LEPR: variants seen among roughly 807,000 people sequenced by gnomAD.
LEPR encodes the protein leptin receptor, also known as OB receptor.
Under a neutral mutation model 114.7 loss-of-function variants are expected in LEPR, and 56 were observed. That is an observed-to-expected ratio of 0.49 (90% CI 0.39 to 0.61). LEPR has a LOEUF of 0.61. Among genes scored for constraint, LEPR ranks in the 20% least tolerant of loss-of-function variants. LEPR has a pLI of 0.00. For synonymous variants in LEPR, 443 were observed against 461.4 expected (o/e 0.96, Z 0.51); for missense variants, 1,202 against 1,352.9 (o/e 0.89, Z 1.75).
At chr1:65,472,476 A>T (rs533805774) in intron 2 of LEPR, among the ~76,000 whole-genome samples, 1 of 142,768 alleles carries the variant, frequency 7.0e-6, no homozygotes, top group Non-Finnish European at 1.5e-5. Context: ...TATATAATAT[A>T]CTTTTTACTT....
intron 2 of LEPR, among the ~76,000 whole-genome samples, chr1:65,477,316 G>T (rs960531316): frequency 6.6e-6 from 1 of 152,148 alleles, no homozygotes; most frequent in Non-Finnish European, 1.5e-5. Flanking sequence ...TAGAATGTCA[G>T]CTCCATAAGG....
intron 5 of LEPR, among the ~76,000 whole-genome samples, chr1:65,584,635 G>A (rs376577954): frequency 6.6e-6 from 1 of 151,932 alleles, no homozygotes; most frequent in Non-Finnish European, 1.5e-5. Flanking sequence ...ATCCCATACT[G>A]CTGTGAAAAA....
chr1:65,545,777 A>G (rs1651657142), intron 2 of LEPR, among the ~76,000 whole-genome samples: 1 of 151,918 alleles, frequency 6.6e-6, no homozygotes, highest in African/African-American at 2.4e-5. Context: ...CTCTGATGGT[A>G]GTTTCTTTGG....
At chr1:65,567,727 A>G (rs1165534556) in intron 3 of LEPR, among the ~76,000 whole-genome samples, 1 of 152,154 alleles carries the variant, frequency 6.6e-6, no homozygotes, top group Non-Finnish European at 1.5e-5. Context: ...TAAAAATTTT[A>G]TTTTCTTACA....
At chr1:65,576,959 T>A (rs538047923) in intron 5 of LEPR, 10 of 340,946 alleles carry the variant, frequency 2.9e-5, no homozygotes, top group Non-Finnish European at 5.2e-5. Flanking sequence ...TGGCAAACAA[T>A]CCTCCAGCCA....
chr1:65,446,016 C>T (rs939559816), intron 2 of LEPR, among the ~76,000 whole-genome samples: 3 of 151,986 alleles, frequency 2.0e-5, no homozygotes, highest in Non-Finnish European at 4.4e-5. Context: ...TGTGAGATAC[C>T]ACTAAGTCAA....
In LEPR at chr1:65,616,220, C is replaced by T; in HGVS notation, c.2208C>T (p.Ser736=). ...NFNLTFSWPM[S]KVNIVQSLSA... ...ATTTAACCTTTTCATGGCCTATGAG[C>T]AAAGGTAAGAAGAGGTACAGAGTGG... Residue 736 remains serine, a synonymous_variant, in exon 15 of 20, where the codon AGC becomes AGT. Coordinates refer to ENST00000349533, the MANE Select transcript of LEPR (RefSeq NM_002303.6). 1 of 1,613,726 alleles carries T rather than the reference C, an allele frequency of 6.2e-7. No homozygotes were observed. Among genetic ancestry groups the T allele is most frequent in the Non-Finnish European group, 8.5e-7 (1 of 1,179,798 alleles).
rs1056216892 is a variant in LEPR at position 65,420,729 on chromosome 1, C to G, written c.-108C>G. ...CGCGGCCCCAGTTCGGGAGACATGG[C>G]GGGCGTTAAAGGTACATCGCGGTCC... On this transcript the variant is annotated 5_prime_UTR_variant, in exon 1 of 20. Coordinates refer to ENST00000349533, the MANE Select transcript of LEPR (RefSeq NM_002303.6). The G allele has an allele frequency of 1.9e-6, 3 of 1,583,756 alleles. No homozygotes were observed. Among genetic ancestry groups the G allele is most frequent in the East Asian group, 4.6e-5 (2 of 43,362 alleles).
intron 2 of LEPR, among the ~76,000 whole-genome samples, chr1:65,486,190 C>G (rs1187522508): frequency 6.6e-6 from 1 of 152,018 alleles, no homozygotes; most frequent in Non-Finnish European, 1.5e-5. Context: ...CCTTTGAAAG[C>G]AGAACAGAAT....
At chr1:65,527,074 G>GGCTTTA (rs1650024011) in intron 2 of LEPR, among the ~76,000 whole-genome samples, 1 of 152,122 alleles carries the variant, frequency 6.6e-6, no homozygotes, top group Admixed American at 6.5e-5. Context: ...AAAAATACAT[G>GGCTTTA]GCTTTAGCAT....
chr1:65,566,436 G>A (rs969827622), intron 3 of LEPR, among the ~76,000 whole-genome samples: 1 of 152,052 alleles, frequency 6.6e-6, no homozygotes, highest in African/African-American at 2.4e-5. Flanking sequence ...TCTTGACCTC[G>A]TGATCTGCCC....
intron 2 of LEPR, among the ~76,000 whole-genome samples, chr1:65,531,023 C>T (rs866077692): frequency 3.7e-4 from 56 of 152,166 alleles, no homozygotes; most frequent in African/African-American, 1.4e-3. Flanking sequence ...GATCATGTCA[C>T]TTTTCTCCTC....
At position 65,425,322 on chromosome 1, in the gene LEPR, C is replaced by T; in HGVS notation, c.-77C>T. On this transcript the variant is annotated 5_prime_UTR_variant, in exon 2 of 20. Transcript: ENST00000349533. ...TCACAGCTCTCGTGGCATTATCCTT[C>T]AGTGGGGCTATTGGACTGACTTTTC... is the stretch of plus-strand genomic sequence containing the variant. 6.2e-7 allele frequency: 1 copy of T among 1,611,548 alleles called. No homozygotes were observed. Among genetic ancestry groups the T allele is most frequent in the Non-Finnish European group, 8.5e-7 (1 of 1,179,366 alleles).
At chr1:65,520,098 C>T (rs544201097) in intron 2 of LEPR, among the ~76,000 whole-genome samples, 16 of 152,200 alleles carry the variant, frequency 1.1e-4, no homozygotes, top group South Asian at 4.2e-4. Context: ...CTCCTGACCT[C>T]GTGATCTGCC....
At chr1:65,499,926 C>T (rs970609140) in intron 2 of LEPR, among the ~76,000 whole-genome samples, 2 of 152,098 alleles carry the variant, frequency 1.3e-5, no homozygotes, top group Admixed American at 6.6e-5. Context: ...CCTAGTTGGG[C>T]TGTGTCCCCC....
chr1:65,557,001 G>A (rs1441818893), intron 2 of LEPR, among the ~76,000 whole-genome samples: 3 of 152,284 alleles, frequency 2.0e-5, no homozygotes, highest in East Asian at 1.9e-4. Context: ...GAACTGGGGA[G>A]CAAGGACAGA....
intron 2 of LEPR, among the ~76,000 whole-genome samples, chr1:65,503,533 A>C (rs1344830190): frequency 8.5e-5 from 13 of 152,202 alleles, no homozygotes; most frequent in Admixed American, 8.5e-4. Context: ...ATGGGGGAAC[A>C]GGTTAACAAT....
intron 2 of LEPR, among the ~76,000 whole-genome samples, chr1:65,452,539 T>C (rs948216786): frequency 1.3e-5 from 2 of 152,236 alleles, no homozygotes; most frequent in Admixed American, 1.3e-4. Context: ...GAGATAATCA[T>C]GTGGTATTTG....
intron 5 of LEPR, among the ~76,000 whole-genome samples, chr1:65,585,308 A>G (rs565441207): frequency 1.3e-5 from 2 of 152,224 alleles, no homozygotes; most frequent in South Asian, 4.1e-4. Context: ...TTTACATTAC[A>G]ATCAGAAAAT....
Sources: allele counts gnomAD v4.1 joint callset (sites outside exome capture counted in the v4.1 genomes callset), GRCh38; gene constraint gnomAD v4.1.1; transcripts MANE v1.5; gene names NCBI Gene and HGNC (gene_info 2026-07-23, HGNC 2026-07-21).